GPX2: variants seen among roughly 807,000 people sequenced by gnomAD.
GPX2 encodes the protein gastrointestinal glutathione peroxidase.
Under a neutral mutation model 14.1 loss-of-function variants are expected in GPX2, and 21 were observed. The ratio of observed to expected loss-of-function variants is 1.48; its 90% CI spans 1.05 to 2.14. The LOEUF (loss-of-function observed/expected upper bound fraction) is 2.14. Among genes scored for constraint, GPX2 ranks in the 30% most tolerant of loss-of-function variants. The pLI, the probability that GPX2 is intolerant of heterozygous loss-of-function variation, is 0.00. For synonymous variants in GPX2, 94 were observed against 95.2 expected (o/e 0.99, Z 0.07); for missense variants, 241 against 249.8 (o/e 0.96, Z 0.24).
rs1011510226 is a variant in GPX2 at position 64,940,797 on chromosome 14, C to T, written c.223-959G>A. 2.6e-5 allele frequency among the ~76,000 whole-genome samples: 4 copies of T among 152,204 alleles called. No individual in the cohort carries two copies. The highest frequency in any genetic ancestry group is 4.4e-5 in the Non-Finnish European group (3 of 68,036). On this transcript the variant is annotated intron_variant, in intron 1 of 1. Coordinates refer to ENST00000389614, the MANE Select transcript of GPX2 (RefSeq NM_002083.4). The surrounding 1 kb of genome is among the most constrained non-coding windows in gnomAD (Gnocchi z 4.5). ...CCTATCCACTCACTGCTCTCAGCTA[C>T]GCATGCTTTGGCTCAAAACCTGGTC...
rs1885479944 is a variant in GPX2, at chr14:64,939,455, G to A, written c.*33C>T. On this transcript the variant is annotated 3_prime_UTR_variant, in exon 2 of 2. Transcript: ENST00000389614. The surrounding 1 kb of genome is among the most constrained non-coding windows in gnomAD (Gnocchi z 5.7). ...TCCTAAGGCTCCTCAGGACTGGATG[G>A]AGTAGGAGATCTGTGTGTTGAGCAG... 2 of 1,545,218 alleles carry A rather than the reference G, an allele frequency of 1.3e-6. No individual in the cohort carries two copies. Among genetic ancestry groups the A allele is most frequent in the East Asian group, 2.2e-5 (1 of 44,480 alleles).
In GPX2 at chr14:64,939,610, C is replaced by CCA. The variant is rs763443256; in HGVS notation, c.449_450dup (p.Ala151TrpfsTer?). On this transcript the variant is annotated frameshift_variant, in exon 2 of 2. Transcript: ENST00000389614. LOFTEE classifies it high-confidence loss of function. The surrounding 1 kb of genome is among the most constrained non-coding windows in gnomAD (Gnocchi z 5.7). The stretch of plus-strand genomic sequence containing the variant: ...ATGAGGAACTTCTCAAAGTTCCAGG[C>CCA]CACATCTGAGCGGCGCACAGGGCTC... 7 of 1,614,138 alleles carry CCA rather than the reference C, an allele frequency of 4.3e-6. No homozygotes were observed. In the East Asian group the frequency reaches 1.6e-4, roughly 36 times the overall value.
chr14:64,939,534 A>C lies in GPX2; in HGVS notation c.527T>G (p.Ile176Ser). 1 of 1,613,980 alleles carries C rather than the reference A, an allele frequency of 6.2e-7. No individual in the cohort carries two copies. Among genetic ancestry groups the C allele is most frequent in the South Asian group, 1.1e-5 (1 of 91,074 alleles). The change falls in exon 2 of 2, where the codon ATC becomes AGC. Residue 176 changes from isoleucine to serine, a missense_variant. Coordinates refer to ENST00000389614, the MANE Select transcript of GPX2 (RefSeq NM_002083.4). The surrounding 1 kb of genome is among the most constrained non-coding windows in gnomAD (Gnocchi z 5.7). ...FRRYSRTFPT[I>S]NIEPDIKRLL... is the part of the protein sequence containing the mutation. ...GCGCTTGATGTCAGGCTCAATGTTGATGGTTGGGAAGGTGCGGCTGTAGCG... is the reference window on the plus strand; with the variant it reads ...GCGCTTGATGTCAGGCTCAATGTTGCTGGTTGGGAAGGTGCGGCTGTAGCG...
chr14:64,939,639 A>G lies in GPX2; in HGVS notation c.422T>C (p.Ile141Thr), dbSNP rs372292836. 1.7e-5 allele frequency: 27 copies of G among 1,614,042 alleles called. No homozygotes were observed. In the African/African-American group the frequency reaches 2.8e-4, roughly 17 times the overall value. Residue 141 changes from isoleucine to threonine, a missense_variant, in exon 2 of 2, where the codon ATT becomes ACT. By Grantham distance (89) the Ile-to-Thr change is moderately conservative. Transcript: ENST00000389614. The surrounding 1 kb of genome is among the most constrained non-coding windows in gnomAD (Gnocchi z 5.7). ...FSLMTDPKLI[I>T]WSPVRRSDVA... ...ATCTGAGCGGCGCACAGGGCTCCAA[A>G]TGATGAGCTTGGGATCGGTCATGAG...
At chr14:64,941,536 G>C (rs1008108153) in intron 1 of GPX2, 3 of 1,287,176 alleles carry the variant, frequency 2.3e-6, no homozygotes, top group Non-Finnish European at 3.0e-6. Flanking sequence ...TCTAGAAAAG[G>C]CCAGACAGAA....
Position 64,940,239 on chromosome 14 carries a change from G to C in GPX2, c.223-401C>G. The C allele has an allele frequency of 8.2e-7, 1 of 1,215,020 alleles. No individual in the cohort carries two copies. The highest frequency in any genetic ancestry group is 1.1e-6 in the Non-Finnish European group (1 of 920,034). 75.3% of individuals were successfully genotyped at this position (1,215,020 alleles called of 1,614,324 possible). A position where few individuals can be genotyped will look rare whatever the true frequency, so the allele number is the denominator to read the frequency against. On this transcript the variant is annotated intron_variant, in intron 1 of 1. Transcript: ENST00000389614. The surrounding 1 kb of genome is among the most constrained non-coding windows in gnomAD (Gnocchi z 4.5). ...GCAGAAGAAAGAGAAAAGAGGCTTA[G>C]GTTATACTGCTTAGAACCTCCTCTT...
Position 64,939,839 on chromosome 14 carries a change from C to A in GPX2, c.223-1G>T. On this transcript the variant is annotated splice_acceptor_variant, in intron 1 of 1. Coordinates refer to ENST00000389614, the MANE Select transcript of GPX2 (RefSeq NM_002083.4). LOFTEE classifies it high-confidence loss of function. This position sits in a 1 kb window ranked among gnomAD's most constrained non-coding sequence, Gnocchi z 5.7. ...GGATCTCCTCATTCTGACAGTTCTCCTAGGGGAGGAAAAAGACAAAGTGCG... is the reference window on the plus strand; with the variant it reads ...GGATCTCCTCATTCTGACAGTTCTCATAGGGGAGGAAAAAGACAAAGTGCG... The A allele has an allele frequency of 1.2e-6, 2 of 1,611,802 alleles. No homozygotes were observed. Among genetic ancestry groups the A allele is most frequent in the African/African-American group, 2.7e-5 (2 of 74,850 alleles).
chr14:64,942,339 T>C lies in GPX2; in HGVS notation c.222+166A>G, dbSNP rs17881414. Among the ~76,000 whole-genome samples the C allele has an allele frequency of 3.2e-4, 49 of 152,280 alleles. No homozygotes were observed. The East Asian group carries it at 8.7e-3, about 27-fold the overall frequency. ...AGCCTCAGTGTTTAATCTTAAAAAA[T>C]ATATACCTTCTCTTGGTATGTCACA... is the stretch of plus-strand genomic sequence containing the variant. On this transcript the variant is annotated intron_variant, in intron 1 of 1. Coordinates refer to ENST00000389614, the MANE Select transcript of GPX2 (RefSeq NM_002083.4).
intron 1 of GPX2, 150 bp downstream of exon 1, chr14:64,942,355 G>T: frequency 1.6e-6 from 1 of 630,052 alleles, no homozygotes; most frequent in Admixed American, 2.9e-5. Flanking sequence ...CCTTCTCTTG[G>T]TATGTCACAT....
intron 1 of GPX2, chr14:64,941,463 G>A: frequency 7.8e-7 from 1 of 1,288,812 alleles, no homozygotes; most frequent in Non-Finnish European, 1.0e-6. Context: ...GTGTGAGGCT[G>A]GAGGTACTTC....
chr14:64,941,169 C>T (rs374848448), intron 1 of GPX2: 92 of 268,482 alleles, frequency 3.4e-4, no homozygotes, highest in Middle Eastern at 1.4e-3. Context: ...CAGGCTCAGG[C>T]GATCCTGCTA....
Position 64,942,548 on chromosome 14 carries a change from C to T in GPX2, c.179G>A (p.Arg60His), listed in dbSNP as rs945352247. The stretch of plus-strand genomic sequence containing the variant: ...GCAAGGGAAGCCAAGGACCACCAGG[C>T]GCCTGGGAAAGCGGCATTGCAGCTC... ...LNELQCRFPR[R>H]LVVLGFPCNQ... The change falls in exon 1 of 2, where the codon CGC (arginine) becomes CAC (histidine). Residue 60 changes from arginine (R) to histidine (H), a missense_variant. By Grantham distance (29) the Arg-to-His change is conservative (BLOSUM62 0). Coordinates refer to ENST00000389614, the MANE Select transcript of GPX2 (RefSeq NM_002083.4). 10 of 1,614,076 alleles carry T rather than the reference C, an allele frequency of 6.2e-6. No homozygotes were observed. The highest frequency in any genetic ancestry group is 4.0e-5 in the African/African-American group (3 of 74,920).
chr14:64,941,880 C>T (rs1885660349), intron 1 of GPX2, among the ~76,000 whole-genome samples: 1 of 152,136 alleles, frequency 6.6e-6, no homozygotes. Flanking sequence ...ATTTTCTTTC[C>T]ACTTGGCTAA....
At chr14:64,941,332 C>G in intron 1 of GPX2, 1 of 1,199,430 alleles carries the variant, frequency 8.3e-7, no homozygotes, top group East Asian at 6.8e-5. Context: ...CCTCCCAAAG[C>G]GCTGGGATTA....
chr14:64,940,170 C>A lies in GPX2; in HGVS notation c.223-332G>T. On this transcript the variant is annotated intron_variant, in intron 1 of 1. Transcript: ENST00000389614. The surrounding 1 kb of genome is among the most constrained non-coding windows in gnomAD (Gnocchi z 4.5). ...AAGATTTAGCACTTCTGAGCTGTTG[C>A]TTTTGTCTCCAGTCTACCCTGAGCA... 1 of 1,333,066 alleles carries A rather than the reference C, an allele frequency of 7.5e-7. No individual in the cohort carries two copies. Among genetic ancestry groups the A allele is most frequent in the Non-Finnish European group, 9.8e-7 (1 of 1,018,216 alleles). The allele number at this position is 1,333,066 out of a possible 1,614,324, so 82.6% of individuals were successfully genotyped here. A position where few individuals can be genotyped will look rare whatever the true frequency, so the allele number is the denominator to read the frequency against.
At position 64,942,486 on chromosome 14, in the gene GPX2, A is replaced by G; in HGVS notation, c.222+19T>C. On this transcript the variant is annotated intron_variant, in intron 1 of 1. Coordinates refer to ENST00000389614, the MANE Select transcript of GPX2 (RefSeq NM_002083.4). ...ACCAACCCAACACTTTTGGTGCATT[A>G]CAAGGAGGGACCCCTCACCTGATGT... is the stretch of plus-strand genomic sequence containing the variant. 1 of 1,604,200 alleles carries G rather than the reference A, an allele frequency of 6.2e-7. No homozygotes were observed. The highest frequency in any genetic ancestry group is 8.5e-7 in the Non-Finnish European group (1 of 1,171,630).
At position 64,939,787 on chromosome 14, in the gene GPX2, C is replaced by G. The variant is rs774142435; in HGVS notation, c.274G>C (p.Gly92Arg). The G allele has an allele frequency of 6.2e-7, 1 of 1,614,134 alleles. No homozygotes were observed. The change falls in exon 2 of 2, where the codon GGG becomes CGG. Residue 92 changes from glycine (G) to arginine (R), a missense_variant. Gly to Arg is a moderately radical substitution (Grantham distance 125, BLOSUM62 -2). Transcript: ENST00000389614. This position sits in a 1 kb window ranked among gnomAD's most constrained non-coding sequence, Gnocchi z 5.7. ...ILNSLKYVRPGGGYQPTFTLV... is the reference protein window; with the variant it reads ...ILNSLKYVRPRGGYQPTFTLV... The stretch of plus-strand genomic sequence containing the variant: ...GTGAAGGTGGGCTGGTATCCACCCC[C>G]AGGACGGACATACTTGAGACTGTTC...
Position 64,939,875 on chromosome 14 carries a change from G to T in GPX2, c.223-37C>A. 3 of 1,599,706 alleles carry T rather than the reference G, an allele frequency of 1.9e-6. No individual in the cohort carries two copies. Among genetic ancestry groups the T allele is most frequent in the Non-Finnish European group, 2.6e-6 (3 of 1,171,328 alleles). On this transcript the variant is annotated intron_variant, in intron 1 of 1. Transcript: ENST00000389614. The surrounding 1 kb of genome is among the most constrained non-coding windows in gnomAD (Gnocchi z 5.7). ...AAAAGACAAAGTGCGTGGACAGTGG[G>T]TGGGGGAAGAGAAAGATCCACAACA... is the stretch of plus-strand genomic sequence containing the variant.
chr14:64,941,264 C>G, intron 1 of GPX2: 1 of 816,026 alleles, frequency 1.2e-6, no homozygotes, highest in Non-Finnish European at 1.6e-6. Context: ...AACAAGGTTT[C>G]ACCATGTTGC....
Sources: allele counts gnomAD v4.1 joint callset (sites outside exome capture counted in the v4.1 genomes callset), GRCh38; gene constraint gnomAD v4.1.1; non-coding constraint Gnocchi (gnomAD v3.1); transcripts MANE v1.5; gene names NCBI Gene and HGNC (gene_info 2026-07-23, HGNC 2026-07-21).